The following EVL variants were observed in gnomAD, a reference collection of about 807,000 sequenced individuals.
The protein encoded by EVL is ena/VASP-like protein.
A neutral mutation model predicts 59.6 loss-of-function variants in EVL; 21 were observed. The ratio of observed to expected loss-of-function variants is 0.35; its 90% CI spans 0.25 to 0.51. EVL has a LOEUF of 0.51. Among genes scored for constraint, EVL ranks in the 20% least tolerant of loss-of-function variants. The probability of loss-of-function intolerance (pLI) is 0.97; values close to 1 mark genes in which losing one functional copy is unlikely to be tolerated. For missense variants in EVL, 462 were observed against 546.6 expected (o/e 0.85, Z 1.54); for synonymous variants, 198 against 203.5 (o/e 0.97, Z 0.23).
chr14:99,981,852 T>TA (rs1034614832), intron 1 of EVL, among the ~76,000 whole-genome samples: 1 of 152,126 alleles, frequency 6.6e-6, no homozygotes, highest in Non-Finnish European at 1.5e-5. Context: ...CTTCAATTGG[T>TA]AAAAAACGCA....
At chr14:100,084,654 T>C (rs765187696) in intron 1 of EVL, 33 bp from the exon 2 acceptor site, 1 of 1,610,618 alleles carries the variant, frequency 6.2e-7, no homozygotes, top group South Asian at 1.1e-5. Context: ...CCACTGTAGC[T>C]GAGGCTGACA....
chr14:99,997,067 T>C (rs2060918496), intron 1 of EVL, among the ~76,000 whole-genome samples: 1 of 152,270 alleles, frequency 6.6e-6, no homozygotes, highest in Admixed American at 6.5e-5. Context: ...CTGACTGGAC[T>C]GCTCAAAATG....
At chr14:100,085,439 G>A (rs2062418750) in intron 2 of EVL, among the ~76,000 whole-genome samples, 1 of 152,180 alleles carries the variant, frequency 6.6e-6, no homozygotes, top group African/African-American at 2.4e-5. Flanking sequence ...ATGTGACATG[G>A]ACTAAAATAG....
rs1484899944 is a variant in EVL, at chr14:100,141,197, G to T, written c.1112G>T (p.Ser371Ile). 1 of 1,613,776 alleles carries T rather than the reference G, an allele frequency of 6.2e-7. No homozygotes were observed. Among genetic ancestry groups the T allele is most frequent in the African/African-American group, 1.3e-5 (1 of 74,926 alleles). ...QPHSRMKPAGSVNDMALDAFD... is the reference protein window; with the variant it reads ...QPHSRMKPAGIVNDMALDAFD... ...TCTCCCAGGATGAAGCCTGCTGGGA[G>T]CGTGAATGACATGGCCCTGGATGCC... The change falls in exon 12 of 14, where the codon AGC (serine) becomes ATC (isoleucine). Residue 371 changes from serine (S) to isoleucine (I), a missense_variant. Transcript: ENST00000392920.
chr14:100,025,626 G>A (rs2061197122), intron 1 of EVL, among the ~76,000 whole-genome samples: 1 of 152,138 alleles, frequency 6.6e-6, no homozygotes, highest in East Asian at 1.9e-4. Flanking sequence ...ACAAGGATAG[G>A]TTTTTAAAAA....
intron 3 of EVL, among the ~76,000 whole-genome samples, chr14:100,111,763 T>A (rs1268209523): frequency 6.6e-6 from 1 of 152,220 alleles, no homozygotes; most frequent in Non-Finnish European, 1.5e-5. Context: ...CAGGAATTAC[T>A]TTCTCCATTT....
intron 1 of EVL, among the ~76,000 whole-genome samples, chr14:100,009,924 G>A (rs1331675488): frequency 6.6e-6 from 1 of 152,200 alleles, no homozygotes; most frequent in African/African-American, 2.4e-5. Context: ...TGAAGACCTG[G>A]GATTAACGGA....
At chr14:100,030,795 C>G (rs980440089) in intron 1 of EVL, among the ~76,000 whole-genome samples, 1 of 152,186 alleles carries the variant, frequency 6.6e-6, no homozygotes, top group Non-Finnish European at 1.5e-5. Flanking sequence ...ATAATACAAC[C>G]AGAGCCCACC....
At chr14:100,133,098 C>A (rs893113271) in intron 8 of EVL, among the ~76,000 whole-genome samples, 1 of 152,244 alleles carries the variant, frequency 6.6e-6, no homozygotes, top group Non-Finnish European at 1.5e-5. Context: ...GCCAGGGTCT[C>A]GGCGGGACTG....
chr14:99,978,559 A>G (rs193116764), intron 1 of EVL, among the ~76,000 whole-genome samples: 1 of 152,320 alleles, frequency 6.6e-6, no homozygotes, highest in African/African-American at 2.4e-5. Flanking sequence ...CAGACTGCTT[A>G]TAGTTGAATA....
intron 1 of EVL, among the ~76,000 whole-genome samples, chr14:100,008,961 A>T (rs2061000067): frequency 1.3e-5 from 2 of 152,354 alleles, no homozygotes; most frequent in Middle Eastern, 3.4e-3. Flanking sequence ...GGAAATCAGA[A>T]ATAGAGAAGT....
At chr14:100,041,133 T>TA (rs1465800818) in intron 1 of EVL, among the ~76,000 whole-genome samples, 4 of 152,296 alleles carry the variant, frequency 2.6e-5, no homozygotes, top group African/African-American at 7.2e-5. Context: ...TTGTTAACAA[T>TA]AAGTGTTCCT....
intron 3 of EVL, 113 bp from the exon 4 acceptor site, chr14:100,123,426 A>G: frequency 3.0e-6 from 3 of 996,826 alleles, no homozygotes; most frequent in Non-Finnish European, 4.6e-6. Context: ...AAAGATTCTT[A>G]AGGATGTCTC....
intron 2 of EVL, among the ~76,000 whole-genome samples, chr14:100,093,318 GTAT>G (rs2062603826): frequency 6.6e-6 from 1 of 152,144 alleles, no homozygotes; most frequent in Admixed American, 6.6e-5. Flanking sequence ...ATTCAGTGCA[GTAT>G]TATTTATAAT....
intron 3 of EVL, among the ~76,000 whole-genome samples, chr14:100,110,565 G>A (rs931456532): frequency 5.9e-5 from 9 of 152,088 alleles, no homozygotes; most frequent in East Asian, 1.9e-4. Context: ...GGAGGAGGAC[G>A]GCGGCACCAG....
chr14:100,131,992 G>A (rs1186360672), intron 7 of EVL, among the ~76,000 whole-genome samples: 2 of 152,222 alleles, frequency 1.3e-5, no homozygotes, highest in African/African-American at 2.4e-5. Context: ...CCAGCTCCAT[G>A]CTTGATGGGC....
At chr14:100,046,626 C>T (rs1018496080) in intron 1 of EVL, among the ~76,000 whole-genome samples, 31 of 151,632 alleles carry the variant, frequency 2.0e-4, no homozygotes, top group Admixed American at 8.5e-4. Flanking sequence ...AAGATGATGC[C>T]AGCGCACTCC....
At chr14:99,993,738 G>T (rs2060892088) in intron 1 of EVL, among the ~76,000 whole-genome samples, 3 of 138,012 alleles carry the variant, frequency 2.2e-5, no homozygotes, top group African/African-American at 2.9e-5. Flanking sequence ...TGTTGCCCAG[G>T]CTGGAGTGCA....
At chr14:100,061,614 G>A (rs1400861012), upstream of EVL, among the ~76,000 whole-genome samples, 1 of 151,870 alleles carries the variant, frequency 6.6e-6, no homozygotes, top group Non-Finnish European at 1.5e-5. Flanking sequence ...CCGGGGTTAG[G>A]GTACTGGCCC....
Sources: allele counts gnomAD v4.1 joint callset (sites outside exome capture counted in the v4.1 genomes callset), GRCh38; gene constraint gnomAD v4.1.1; transcripts MANE v1.5; gene names NCBI Gene and HGNC (gene_info 2026-07-23, HGNC 2026-07-21).